Variants in GALNT13 observed in about 807,000 individuals in gnomAD.
GALNT13 encodes UDP-GalNAc:polypeptide N-acetylgalactosaminyltransferase 13.
Under a neutral mutation model 64.2 loss-of-function variants are expected in GALNT13, and 28 were observed. The observed-to-expected ratio is 0.44, with a 90% CI of 0.32 to 0.60. GALNT13 has a LOEUF of 0.60. Among genes scored for constraint, GALNT13 ranks in the 20% least tolerant of loss-of-function variants. The pLI is 0.05. For missense variants in GALNT13, 577 were observed against 669.8 expected (o/e 0.86, Z 1.53); for synonymous variants, 214 against 224.6 (o/e 0.95, Z 0.42).
At chr2:154,355,989 T>C (rs1439366424) in intron 9 of GALNT13, among the ~76,000 whole-genome samples, 1 of 151,988 alleles carries the variant, frequency 6.6e-6, no homozygotes, top group Non-Finnish European at 1.5e-5. Context: ...GTCATCAGGT[T>C]CTCTTTGATA....
chr2:153,587,444 G>C, the GALNT13 span, among the ~76,000 whole-genome samples: 1 of 152,102 alleles, frequency 6.6e-6, no homozygotes, highest in Non-Finnish European at 1.5e-5. Context: ...AGTTCAACAT[G>C]GCTGGAGCAG....
At chr2:153,770,653 A>G in the GALNT13 span, among the ~76,000 whole-genome samples, 1 of 152,246 alleles carries the variant, frequency 6.6e-6, no homozygotes. Context: ...ATACCCATCT[A>G]CATCATCAGT....
intron 1 of GALNT13, among the ~76,000 whole-genome samples, chr2:153,899,935 ATTTTTTT>A (rs1167875826): frequency 1.0e-5 from 1 of 98,170 alleles, no homozygotes; most frequent in African/African-American, 4.0e-5. Flanking sequence ...ATATATATAT[ATTTTTTT>A]TTTTTTTTTT....
At chr2:153,509,381 C>A in the GALNT13 span, among the ~76,000 whole-genome samples, 1 of 152,224 alleles carries the variant, frequency 6.6e-6, no homozygotes, top group Non-Finnish European at 1.5e-5. Context: ...GGCGGAGCCT[C>A]CCCTGCTGCA....
chr2:154,303,811 T>C (rs1574055433), intron 9 of GALNT13, among the ~76,000 whole-genome samples: 1 of 151,462 alleles, frequency 6.6e-6, no homozygotes, highest in Non-Finnish European at 1.5e-5. Flanking sequence ...CAGGCTGGAG[T>C]GCAGTGGCGT....
At chr2:153,892,707 A>G (rs1318043074) in intron 1 of GALNT13, among the ~76,000 whole-genome samples, 1 of 152,018 alleles carries the variant, frequency 6.6e-6, no homozygotes, top group African/African-American at 2.4e-5. Flanking sequence ...ACTACTAAAC[A>G]TTTTTCAATG....
intron 1 of GALNT13, among the ~76,000 whole-genome samples, chr2:153,883,077 TTATA>T (rs57783197): frequency 0.16 from 23,339 of 144,140 alleles, 2,286 homozygotes; most frequent in East Asian, 0.26. Context: ...TATATGTATA[TTATA>T]TATATATATA....
At chr2:153,270,146 TC>T in the GALNT13 span, among the ~76,000 whole-genome samples, 184 of 152,340 alleles carry the variant, frequency 1.2e-3, no homozygotes, top group African/African-American at 4.3e-3. Flanking sequence ...CAATTCCAAC[TC>T]CTGATGCAGG....
In GALNT13 at chr2:154,255,349, A is replaced by C. The variant is rs151215422; in HGVS notation, c.858-3672A>C. On this transcript the variant is annotated intron_variant, in intron 7 of 12. Transcript: ENST00000392825. ...GTATGTAGAAAGCATCCTTTCAAGA[A>C]GGTTACCAGGGAAGGGAATAGAAAA... 6.0e-3 allele frequency among the ~76,000 whole-genome samples: 917 copies of C among 152,322 alleles called. 6 individuals carry two copies. The highest frequency in any genetic ancestry group is 9.8e-3 in the Non-Finnish European group (664 of 68,016).
the GALNT13 span, among the ~76,000 whole-genome samples, chr2:153,095,134 AC>A: frequency 1.3e-5 from 2 of 152,162 alleles, no homozygotes; most frequent in Non-Finnish European, 1.5e-5. Context: ...TTTGCAATCT[AC>A]CCATCTGATA....
chr2:154,365,746 A>G (rs965903647), intron 9 of GALNT13, among the ~76,000 whole-genome samples: 19 of 152,316 alleles, frequency 1.2e-4, no homozygotes, highest in South Asian at 1.0e-3. Flanking sequence ...GATACTCAGT[A>G]AATATAATTA....
Position 154,378,790 on chromosome 2 carries a change from C to T in GALNT13, c.1157-17201C>T, listed in dbSNP as rs114215213. On this transcript the variant is annotated intron_variant, in intron 9 of 12. Transcript: ENST00000392825. ...CATATATAGTATTAAAACATCAAAT[C>T]GTACCCCATAAGTATTTACAATTAC... 4.9e-3 allele frequency among the ~76,000 whole-genome samples: 740 copies of T among 151,888 alleles called. 7 individuals carry two copies. The highest frequency in any genetic ancestry group is 0.017 in the African/African-American group (693 of 41,406).
At chr2:153,716,020 G>A in the GALNT13 span, among the ~76,000 whole-genome samples, 3 of 152,028 alleles carry the variant, frequency 2.0e-5, no homozygotes, top group South Asian at 2.1e-4. Flanking sequence ...AATGATAAAC[G>A]TTTCATTGGT....
At chr2:153,701,109 A>G in the GALNT13 span, among the ~76,000 whole-genome samples, 1 of 152,236 alleles carries the variant, frequency 6.6e-6, no homozygotes, top group South Asian at 2.1e-4. Flanking sequence ...TCAAGGCTAC[A>G]GTAACCAAAA....
chr2:154,359,021 G>A (rs898665595), intron 9 of GALNT13, among the ~76,000 whole-genome samples: 23 of 152,096 alleles, frequency 1.5e-4, no homozygotes, highest in African/African-American at 5.6e-4. Flanking sequence ...TGGGAGGCAG[G>A]AACCTAGTCT....
At chr2:153,648,719 A>T in the GALNT13 span, among the ~76,000 whole-genome samples, 1 of 151,934 alleles carries the variant, frequency 6.6e-6, no homozygotes, top group Non-Finnish European at 1.5e-5. Context: ...ATCTATTGAG[A>T]TGATCATGTG....
chr2:153,831,020 A>C, the GALNT13 span, among the ~76,000 whole-genome samples: 7 of 152,192 alleles, frequency 4.6e-5, no homozygotes, highest in African/African-American at 9.6e-5. Flanking sequence ...TTCTAGCAGC[A>C]TTGGTTGAAA....
In GALNT13 at chr2:154,387,031, A is replaced by G. The variant is rs188846147; in HGVS notation, c.1157-8960A>G. On this transcript the variant is annotated intron_variant, in intron 9 of 12. Transcript: ENST00000392825. ...TATCTCATTTTTACTCCATTAAAAT[A>G]AAATTGTGGTAATAATAGTAAATGA... 3.3e-5 allele frequency among the ~76,000 whole-genome samples: 5 copies of G among 152,256 alleles called. No individual in the cohort carries two copies. The East Asian group carries it at 9.6e-4, about 29-fold the overall frequency.
the GALNT13 span, among the ~76,000 whole-genome samples, chr2:153,520,453 G>T: frequency 6.6e-6 from 1 of 152,056 alleles, no homozygotes; most frequent in African/African-American, 2.4e-5. Flanking sequence ...TGAATTGTTG[G>T]CTTCATTGAG....
Sources: allele counts gnomAD v4.1 joint callset (sites outside exome capture counted in the v4.1 genomes callset), GRCh38; gene constraint gnomAD v4.1.1; transcripts MANE v1.5; gene names NCBI Gene and HGNC (gene_info 2026-07-23, HGNC 2026-07-21).